CACNA1D: variants seen among roughly 807,000 people sequenced by gnomAD.
CACNA1D encodes calcium voltage-gated channel subunit alpha1 D.
In CACNA1D, 55 loss-of-function variants were observed where a neutral mutation model predicts 257.1. The observed-to-expected ratio is 0.21, with a 90% CI of 0.17 to 0.27. CACNA1D has a LOEUF of 0.27. Ranked by LOEUF, CACNA1D falls within the 10% of genes least tolerant of loss-of-function variation. CACNA1D has a pLI of 1.00. For synonymous variants in CACNA1D, 980 were observed against 1,014.9 expected, an observed-to-expected ratio of 0.97 and a Z score of 0.65; for missense variants, 1,876 against 2,784.0, an observed-to-expected ratio of 0.67 and a Z score of 7.34.
At position 53,700,026 on chromosome 3, in the gene CACNA1D, G is replaced by A. The variant is rs561269538; in HGVS notation, c.1221-2615G>A. On this transcript the variant is annotated intron_variant, in intron 8 of 47. Transcript: ENST00000350061. ...GAGTTACCCTGAGAAGCTTAAGGAC[G>A]TTCATTTTATAATGTATGTAATTAT... Among the ~76,000 whole-genome samples, 362 of 149,638 alleles carry A rather than the reference G, an allele frequency of 2.4e-3. 1 individual carries two copies. The highest frequency in any genetic ancestry group is 4.2e-3 in the Non-Finnish European group (286 of 67,520).
At chr3:53,754,272 G>A (rs1371548259) in intron 29 of CACNA1D, among the ~76,000 whole-genome samples, 2 of 152,212 alleles carry the variant, frequency 1.3e-5, no homozygotes, top group African/African-American at 2.4e-5. Context: ...CGACGACTCA[G>A]CGTGTTGTAC....
chr3:53,532,800 GA>G (rs989552523), intron 3 of CACNA1D, among the ~76,000 whole-genome samples: 2 of 152,178 alleles, frequency 1.3e-5, no homozygotes, highest in African/African-American at 2.4e-5. Context: ...TGTGTTAACA[GA>G]ACACAGCAAC....
chr3:53,619,536 A>G (rs890332352), intron 3 of CACNA1D, among the ~76,000 whole-genome samples: 7 of 152,184 alleles, frequency 4.6e-5, no homozygotes, highest in Non-Finnish European at 8.8e-5. Context: ...GAGATGGCTA[A>G]GCGGGTGCTG....
At chr3:53,702,879 C>G in intron 9 of CACNA1D, 69 bp downstream of exon 9, 1 of 1,543,456 alleles carries the variant, frequency 6.5e-7, no homozygotes, top group Middle Eastern at 2.0e-4. Flanking sequence ...AGCAGTAGGC[C>G]TTCCTCGACT....
chr3:53,523,174 G>C (rs570304742), intron 3 of CACNA1D, among the ~76,000 whole-genome samples: 2 of 152,316 alleles, frequency 1.3e-5, no homozygotes, highest in African/African-American at 4.8e-5. Context: ...TGAGTGAAGT[G>C]GGGCAAGAGG....
intron 3 of CACNA1D, among the ~76,000 whole-genome samples, chr3:53,610,638 T>G (rs1355945063): frequency 1.1e-4 from 16 of 152,228 alleles, no homozygotes; most frequent in Non-Finnish European, 2.2e-4. Flanking sequence ...GTCATTTATG[T>G]TTGGGTTTTA....
At chr3:53,574,710 GTCAC>G (rs543037271) in intron 3 of CACNA1D, among the ~76,000 whole-genome samples, 17 of 149,226 alleles carry the variant, frequency 1.1e-4, no homozygotes, top group African/African-American at 4.0e-4. Flanking sequence ...CATGCTCACT[GTCAC>G]TCACGTGTGT....
rs1191479507 is a variant in CACNA1D, at chr3:53,813,272, CTTTT to C, written c.*1869_*1872del. On this transcript the variant is annotated 3_prime_UTR_variant, in exon 48 of 48. Transcript: ENST00000350061. ...AAATGACTCTTTCCTGACATAAATC[CTTTT>C]TTATTAAAATGCAAAATGTTCTTCA... 6.6e-6 allele frequency: 1 copy of C among 151,890 alleles called. No individual in the cohort carries two copies. Among genetic ancestry groups the C allele is most frequent in the Non-Finnish European group, 1.5e-5 (1 of 67,986 alleles). 9.4% of individuals were successfully genotyped at this position (151,890 alleles called of 1,614,324 possible).
intron 3 of CACNA1D, among the ~76,000 whole-genome samples, chr3:53,559,474 G>A (rs1575866534): frequency 6.6e-6 from 1 of 152,308 alleles, no homozygotes; most frequent in South Asian, 2.1e-4. Flanking sequence ...TCCTTAAGCA[G>A]ATAATCGACC....
intron 3 of CACNA1D, among the ~76,000 whole-genome samples, chr3:53,566,678 G>C (rs934834253): frequency 5.3e-5 from 8 of 152,178 alleles, no homozygotes; most frequent in African/African-American, 9.7e-5. Flanking sequence ...GCTGAGTGAA[G>C]GAAGCTGTTG....
intron 3 of CACNA1D, among the ~76,000 whole-genome samples, chr3:53,551,280 A>G (rs3821846): frequency 0.32 from 48,038 of 152,128 alleles, 7,909 homozygotes; most frequent in African/African-American, 0.41. Context: ...TGACTTTCCC[A>G]AGGGCTGATT....
intron 23 of CACNA1D, among the ~76,000 whole-genome samples, chr3:53,745,163 C>T (rs999218589): frequency 4.0e-5 from 6 of 151,140 alleles, no homozygotes; most frequent in East Asian, 1.9e-4. Flanking sequence ...TACTGGGTTT[C>T]TGTTTTCCTG....
intron 39 of CACNA1D, chr3:53,782,759 G>A (rs1013246292): frequency 6.6e-6 from 1 of 152,258 alleles, no homozygotes; most frequent in African/African-American, 2.4e-5. Context: ...ATGATAAAAG[G>A]AAGACAAACC....
Position 53,540,079 on chromosome 3 carries a change from CT to C in CACNA1D, c.483+38373del, listed in dbSNP as rs1452731411. Among the ~76,000 whole-genome samples the C allele has an allele frequency of 9.3e-3, 1,265 of 135,934 alleles. 3 individuals are homozygous for C. The highest frequency in any genetic ancestry group is 0.019 in the African/African-American group (711 of 37,432). 89.2% of individuals were successfully genotyped at this position (135,934 alleles called of 152,430 possible). A position where few individuals can be genotyped will look rare whatever the true frequency, so the allele number is the denominator to read the frequency against. The stretch of plus-strand genomic sequence containing the variant: ...TATGGTGTCTTTTGATGAACACATT[CT>C]TTTTTTTTTTTTTAAACACAAATGC... On this transcript the variant is annotated intron_variant, in intron 3 of 47. Transcript: ENST00000350061.
At chr3:53,508,191 G>A (rs1188750384) in intron 3 of CACNA1D, among the ~76,000 whole-genome samples, 2 of 152,132 alleles carry the variant, frequency 1.3e-5, no homozygotes, top group African/African-American at 2.4e-5. Flanking sequence ...TGTGCAGGAT[G>A]TGCAGGTTTG....
intron 7 of CACNA1D, among the ~76,000 whole-genome samples, chr3:53,670,797 T>A (rs1388360371): frequency 6.6e-6 from 1 of 152,214 alleles, no homozygotes; most frequent in Non-Finnish European, 1.5e-5. Context: ...TCATTGTTGA[T>A]AAAGACCATA....
intron 3 of CACNA1D, among the ~76,000 whole-genome samples, chr3:53,541,721 A>C (rs181065144): frequency 6.6e-6 from 1 of 152,292 alleles, no homozygotes; most frequent in Non-Finnish European, 1.5e-5. Context: ...TCTGGGGAAT[A>C]GTGAACACCG....
intron 8 of CACNA1D, among the ~76,000 whole-genome samples, chr3:53,689,845 A>G (rs2094504100): frequency 6.6e-6 from 1 of 152,040 alleles, no homozygotes; most frequent in East Asian, 1.9e-4. Context: ...TATTTTTTGT[A>G]GAAACAGGAT....
intron 9 of CACNA1D, among the ~76,000 whole-genome samples, chr3:53,715,156 A>G (rs1475298325): frequency 6.6e-6 from 1 of 152,140 alleles, no homozygotes; most frequent in Non-Finnish European, 1.5e-5. Flanking sequence ...CTCTGCCCAG[A>G]TTTAGGGGCT....
Sources: gnomAD v4.1 joint callset for allele counts (sites outside exome capture counted in the v4.1 genomes callset) on GRCh38, gnomAD v4.1.1 for gene constraint, MANE v1.5 for transcripts, NCBI Gene and HGNC (gene_info 2026-07-23, HGNC 2026-07-21) for gene names.